Variants in TRRAP observed in about 807,000 individuals in gnomAD.
TRRAP encodes transformation/transcription domain-associated protein.
Under a neutral mutation model 438.8 loss-of-function variants are expected in TRRAP, and 41 were observed. That is an observed-to-expected ratio of 0.09 (90% CI 0.07 to 0.12). TRRAP has a LOEUF of 0.12. TRRAP is among the 10% of genes least tolerant of loss of function. TRRAP has a pLI of 1.00. For missense variants in TRRAP, 3,122 were observed against 5,055.1 expected, an observed-to-expected ratio of 0.62 and a Z score of 11.60; for synonymous variants, 1,994 against 1,962.9, an observed-to-expected ratio of 1.02 and a Z score of -0.42.
Position 98,900,685 on chromosome 7 carries a change from T to C in TRRAP, c.862T>C (p.Leu288=), listed in dbSNP as rs202050269. ...ADFIAAQIKT[L]SFLAYIIRIY... ...CTTCATTGCTGCTCAGATTAAAACATTGTCATTTTTAGCTTACATTATCAG... is the reference window on the plus strand; with the variant it reads ...CTTCATTGCTGCTCAGATTAAAACACTGTCATTTTTAGCTTACATTATCAG... The change falls in exon 11 of 73, where the codon TTG becomes CTG. Residue 288 remains leucine (L), a synonymous_variant. Coordinates refer to ENST00000456197, the MANE Select transcript of TRRAP (RefSeq NM_001375524.1). The C allele has an allele frequency of 7.2e-5, 116 of 1,613,608 alleles. No individual in the cohort carries two copies. The highest frequency in any genetic ancestry group is 7.5e-5 in the Non-Finnish European group (88 of 1,179,994).
intron 11 of TRRAP, among the ~76,000 whole-genome samples, chr7:98,902,836 C>T (rs913795755): frequency 6.6e-6 from 1 of 150,458 alleles, no homozygotes; most frequent in Non-Finnish European, 1.5e-5. Context: ...CCTATAATCC[C>T]AGCAGGTGGG....
In TRRAP at chr7:98,983,408, G is replaced by T; in HGVS notation, c.8971G>T (p.Asp2991Tyr). The T allele has an allele frequency of 6.2e-7, 1 of 1,614,128 alleles. No individual in the cohort carries two copies. The highest frequency in any genetic ancestry group is 1.1e-5 in the South Asian group (1 of 91,036). Reference sequence around the variant, plus strand: ...GAACCGACTGCCCATCGTGTCTGACGACTTGTCCCACTGGAGCAGCATCTT... The same window carrying T: ...GAACCGACTGCCCATCGTGTCTGACTACTTGTCCCACTGGAGCAGCATCTT... ...WRNRLPIVSD[D>Y]LSHWSSIFMW... Residue 2991 changes from aspartate (D) to tyrosine (Y), a missense_variant, in exon 60 of 73, where the codon GAC becomes TAC. Coordinates refer to ENST00000456197, the MANE Select transcript of TRRAP (RefSeq NM_001375524.1).
intron 29 of TRRAP, among the ~76,000 whole-genome samples, 173 bp from the exon 30 acceptor site, chr7:98,937,477 A>G (rs1790609849): frequency 6.6e-6 from 1 of 152,266 alleles, no homozygotes; most frequent in African/African-American, 2.4e-5. Flanking sequence ...AATATTAAAC[A>G]GTAAAGATAA....
rs145810424 is a variant in TRRAP, at chr7:98,893,969, A to T, written c.450+88A>T. 8.3e-6 allele frequency: 10 copies of T among 1,203,228 alleles called. No individual in the cohort carries two copies. The Admixed American group carries it at 1.0e-4, about 12-fold the overall frequency. The allele number at this position is 1,203,228 out of a possible 1,614,324, so 74.5% of individuals were successfully genotyped here. On this transcript the variant is annotated intron_variant, in intron 6 of 72. Coordinates refer to ENST00000456197, the MANE Select transcript of TRRAP (RefSeq NM_001375524.1). ...TTTTTGCTGTCTCAAAGTTGGCTGA[A>T]CACATACTGTTTTCAAGTGTAGAAA...
intron 3 of TRRAP, among the ~76,000 whole-genome samples, chr7:98,887,729 CAAAAAAAA>C (rs34834746): frequency 3.4e-5 from 3 of 88,664 alleles, no homozygotes; most frequent in Admixed American, 2.8e-4. Context: ...AACTCCGTCT[CAAAAAAAA>C]AAAAAAAAAA....
rs782768798 is a variant in TRRAP at position 98,950,029 on chromosome 7, C to G, written c.5136-35C>G. On this transcript the variant is annotated intron_variant, in intron 37 of 72. Coordinates refer to ENST00000456197, the MANE Select transcript of TRRAP (RefSeq NM_001375524.1). Reference sequence around the variant, plus strand: ...GGCGTAGTTGTTAATGAAATTTGCTCTAAGTTAACCTGTCTTCTTCTTTTG... The same window carrying G: ...GGCGTAGTTGTTAATGAAATTTGCTGTAAGTTAACCTGTCTTCTTCTTTTG... The G allele has an allele frequency of 5.6e-6, 9 of 1,611,404 alleles. No individual in the cohort carries two copies. In the South Asian group the frequency reaches 7.7e-5, roughly 14 times the overall value.
intron 12 of TRRAP, among the ~76,000 whole-genome samples, chr7:98,905,897 C>T (rs1023151936): frequency 6.6e-6 from 1 of 152,154 alleles, no homozygotes; most frequent in African/African-American, 2.4e-5. Flanking sequence ...GAGGTGGGAT[C>T]TCTGCCAGGG....
intron 18 of TRRAP, among the ~76,000 whole-genome samples, chr7:98,914,948 A>G (rs1789453864): frequency 1.3e-5 from 2 of 152,098 alleles, no homozygotes; most frequent in Non-Finnish European, 2.9e-5. Context: ...AAAAATTTTC[A>G]TGTTAAACTT....
intron 26 of TRRAP, 39 bp from the exon 27 acceptor site, chr7:98,933,202 G>C (rs375409242): frequency 5.7e-6 from 9 of 1,567,472 alleles, no homozygotes; most frequent in East Asian, 2.3e-5. Context: ...TGTCTCAAGG[G>C]GCAGCTGGTG....
At position 99,004,339 on chromosome 7, in the gene TRRAP, G is replaced by T; in HGVS notation, c.10459G>T (p.Ala3487Ser). ...GTGCCGGTTCTTGAGCAATTTCTCGGCACAGACAGCTGAAGTGGAAATTCC... is the reference window on the plus strand; with the variant it reads ...GTGCCGGTTCTTGAGCAATTTCTCGTCACAGACAGCTGAAGTGGAAATTCC... The part of the protein sequence containing the change: ...EKCRFLSNFS[A>S]QTAEVEIPGE... Residue 3487 changes from alanine to serine, a missense_variant, in exon 68 of 73, where the codon GCA becomes TCA. Transcript: ENST00000456197. 8 of 1,614,168 alleles carry T rather than the reference G, an allele frequency of 5.0e-6. No homozygotes were observed. The highest frequency in any genetic ancestry group is 6.8e-6 in the Non-Finnish European group (8 of 1,180,046).
intron 67 of TRRAP, among the ~76,000 whole-genome samples, chr7:98,996,546 A>G (rs1390100315): frequency 2.0e-5 from 3 of 152,254 alleles, no homozygotes; most frequent in African/African-American, 7.2e-5. Flanking sequence ...TGAAAGAAAG[A>G]TTAAATCATT....
In TRRAP at chr7:99,011,755, G is replaced by A. The variant is rs549732681; in HGVS notation, c.11337+220G>A. Among the ~76,000 whole-genome samples the A allele has an allele frequency of 3.9e-5, 6 of 152,230 alleles. No homozygotes were observed. Among genetic ancestry groups the A allele is most frequent in the African/African-American group, 9.7e-5 (4 of 41,450 alleles). The stretch of plus-strand genomic sequence containing the variant: ...CTTGGAACGGGCCTGCCTGACACTC[G>A]GCAGATGCCGGAAGGTGTCAAGTGA... On this transcript the variant is annotated intron_variant, in intron 72 of 72. Transcript: ENST00000456197. This position sits in a 1 kb window ranked among gnomAD's most constrained non-coding sequence, Gnocchi z 7.1.
chr7:98,906,652 T>C (rs925575039), intron 13 of TRRAP, among the ~76,000 whole-genome samples: 3 of 151,876 alleles, frequency 2.0e-5, no homozygotes, highest in Non-Finnish European at 4.4e-5. Flanking sequence ...AGGCTGGTCT[T>C]GAACTCCTGA....
intron 33 of TRRAP, among the ~76,000 whole-genome samples, chr7:98,946,785 T>C (rs912978121): frequency 3.3e-5 from 5 of 152,260 alleles, no homozygotes; most frequent in Admixed American, 3.3e-4. Context: ...CATCTGTTAC[T>C]CCTGCCTCCC....
At chr7:98,964,921 C>A in intron 48 of TRRAP, 146 bp downstream of exon 48, 1 of 1,076,522 alleles carries the variant, frequency 9.3e-7, no homozygotes, top group Non-Finnish European at 1.3e-6. Context: ...ATTTGCTCTT[C>A]AATGTAGGGG....
chr7:98,960,604 G>A lies in TRRAP; in HGVS notation c.6490-657G>A, dbSNP rs146709719. ...GATATTTGTTTTTTGTTTTTGTTTC[G>A]TTTTTTTGAGACAGTCTCACTCTGT... On this transcript the variant is annotated intron_variant, in intron 45 of 72. Coordinates refer to ENST00000456197, the MANE Select transcript of TRRAP (RefSeq NM_001375524.1). Among the ~76,000 whole-genome samples, 41 of 151,848 alleles carry A rather than the reference G, an allele frequency of 2.7e-4. No individual in the cohort carries two copies. The East Asian group carries it at 6.8e-3, about 25-fold the overall frequency.
rs11976240 is a variant in TRRAP at position 98,893,193 on chromosome 7, A to G, written c.367-605A>G. Among the ~76,000 whole-genome samples, 834 of 151,948 alleles carry G rather than the reference A, an allele frequency of 5.5e-3. 3 individuals carry two copies. The highest frequency in any genetic ancestry group is 0.018 in the African/African-American group (738 of 41,464). On this transcript the variant is annotated intron_variant, in intron 5 of 72. Coordinates refer to ENST00000456197, the MANE Select transcript of TRRAP (RefSeq NM_001375524.1). ...TCTTGAACTCCTGACCTTGTGATCCACCCGCTTTGGCCTCCCAAAGTGCTC... is the reference window on the plus strand; with the variant it reads ...TCTTGAACTCCTGACCTTGTGATCCGCCCGCTTTGGCCTCCCAAAGTGCTC...
chr7:98,906,101 C>T (rs782656772), intron 12 of TRRAP, 76 bp from the exon 13 acceptor site: 78 of 1,382,634 alleles, frequency 5.6e-5, no homozygotes, highest in Middle Eastern at 1.8e-4. Flanking sequence ...CTGGCTACTT[C>T]GAAAGCACTG....
chr7:99,011,130 T>C lies in TRRAP; in HGVS notation c.11017T>C (p.Phe3673Leu). Residue 3673 changes from phenylalanine (F) to leucine (L), a missense_variant, in exon 71 of 73, where the codon TTC becomes CTC. Phe to Leu is a conservative substitution (Grantham distance 22, BLOSUM62 0). Around this residue, in one of 24 missense-constraint regions of TRRAP, gnomAD observed 192 missense variants for 355.6 expected, o/e 0.54. Coordinates refer to ENST00000456197, the MANE Select transcript of TRRAP (RefSeq NM_001375524.1). This position sits in a 1 kb window ranked among gnomAD's most constrained non-coding sequence, Gnocchi z 7.1. The stretch of plus-strand genomic sequence containing the variant: ...GCTCAAGGAGTGGGCGCTGCACACC[T>C]TCCCCAATGCCACGGACTACTGGAC... ...SMLKEWALHTFPNATDYWTFR... is the reference protein window; with the variant it reads ...SMLKEWALHTLPNATDYWTFR... 6.2e-7 allele frequency: 1 copy of C among 1,614,132 alleles called. No individual in the cohort carries two copies. Among genetic ancestry groups the C allele is most frequent in the Non-Finnish European group, 8.5e-7 (1 of 1,180,026 alleles).
Sources: gnomAD v4.1 joint callset for allele counts (sites outside exome capture counted in the v4.1 genomes callset) on GRCh38, gnomAD v4.1.1 for gene constraint, gnomAD v4.1.1 regional missense constraint, Gnocchi (gnomAD v3.1) non-coding constraint, MANE v1.5 for transcripts, NCBI Gene and HGNC (gene_info 2026-07-23, HGNC 2026-07-21) for gene names.